Variants in PAK3 observed in about 807,000 individuals in gnomAD.
PAK3 encodes the protein serine/threonine-protein kinase PAK 3.
Under a neutral mutation model 41.0 loss-of-function variants are expected in PAK3, and 4 were observed. That is an observed-to-expected ratio of 0.10 (90% CI 0.05 to 0.22). The LOEUF (loss-of-function observed/expected upper bound fraction) is 0.22. Among genes scored for constraint, PAK3 ranks in the 10% least tolerant of loss-of-function variants. The pLI, the probability that PAK3 is intolerant of heterozygous loss-of-function variation, is 1.00. For missense variants in PAK3, 205 were observed against 409.9 expected (o/e 0.50, Z 4.32); for synonymous variants, 146 against 139.6 (o/e 1.05, Z -0.32).
At chrX:111,044,999 C>T (rs1427106988) in intron 1 of PAK3, among the ~76,000 whole-genome samples, 1 of 111,918 alleles carries the variant, frequency 8.9e-6, no homozygotes, top group Non-Finnish European at 1.9e-5. Flanking sequence ...GTGGTATACA[C>T]AGCCTCTGCA....
intron 1 of PAK3, among the ~76,000 whole-genome samples, chrX:110,957,598 C>A (rs2148605690): frequency 9.0e-6 from 1 of 111,538 alleles, no homozygotes; most frequent in South Asian, 3.8e-4. Flanking sequence ...TTGCAGGGAC[C>A]CTGGCCATGG....
At chrX:110,945,679 A>G (rs2090603349) in intron 1 of PAK3, among the ~76,000 whole-genome samples, 2 of 112,193 alleles carry the variant, frequency 1.8e-5, no homozygotes, top group South Asian at 7.4e-4. Flanking sequence ...TTTGAACTAA[A>G]AAGAACAAAC....
chrX:110,945,923 A>G (rs2090609536), intron 1 of PAK3, among the ~76,000 whole-genome samples: 1 of 112,143 alleles, frequency 8.9e-6, no homozygotes, highest in African/African-American at 3.2e-5. Flanking sequence ...CAAACAGCAG[A>G]CATTTTTTGC....
chrX:111,218,977 G>A (rs1359797961), intron 17 of PAK3, among the ~76,000 whole-genome samples: 1 of 109,805 alleles, frequency 9.1e-6, no homozygotes, highest in East Asian at 2.9e-4. Flanking sequence ...ATCACCTGAG[G>A]TCAGGTGTTT....
Position 111,035,143 on chromosome X carries a change from G to T in PAK3, c.-27-87934G>T, listed in dbSNP as rs373732655. Reference sequence around the variant, plus strand: ...AAAAAAAAAAAAAAAAAGAAAGAAAGAAAGAAAGAAAGGAAGAAAGAAAGA... The same window carrying T: ...AAAAAAAAAAAAAAAAAGAAAGAAATAAAGAAAGAAAGGAAGAAAGAAAGA... On this transcript the variant is annotated intron_variant, in intron 1 of 14. Coordinates refer to the PAK3 transcript ENST00000425146. 2.7e-3 allele frequency among the ~76,000 whole-genome samples: 87 copies of T among 32,446 alleles called. 1 individual carries two copies. The highest frequency in any genetic ancestry group is 5.1e-3 in the African/African-American group (80 of 15,743). 28.2% of individuals were successfully genotyped at this position (32,446 alleles called of 115,157 possible). A position where few individuals can be genotyped will look rare whatever the true frequency, so the allele number is the denominator to read the frequency against.
At chrX:110,964,649 T>C (rs1264460056) in intron 1 of PAK3, among the ~76,000 whole-genome samples, 1 of 111,860 alleles carries the variant, frequency 8.9e-6, no homozygotes, top group Non-Finnish European at 1.9e-5. Context: ...ACATTGTGAG[T>C]AGTGAGTAGA....
chrX:111,046,279 GTTGT>G (rs754935857), intron 1 of PAK3, among the ~76,000 whole-genome samples: 6 of 111,516 alleles, frequency 5.4e-5, no homozygotes, highest in Admixed American at 9.5e-5. Context: ...TGTTGTTGTT[GTTGT>G]TTGTTTGTTT....
At position 111,142,105 on chromosome X, in the gene PAK3, A is replaced by G; in HGVS notation, c.185A>G (p.Lys62Arg). 8.5e-7 allele frequency: 1 copy of G among 1,178,920 alleles called. No homozygotes were observed. Among genetic ancestry groups the G allele is most frequent in the Non-Finnish European group, 1.2e-6 (1 of 865,534 alleles). The change falls in exon 6 of 18, where the codon AAG (lysine) becomes AGG (arginine). Residue 62 changes from lysine to arginine, a missense_variant. Physicochemically the swap from Lys to Arg is conservative, Grantham distance 26 (BLOSUM62 2). This residue lies in a region of PAK3 where 22 missense variants were observed against 83.5 expected (regional missense o/e 0.26). Transcript: ENST00000372007. ...FPGGGDKTNK[K>R]KEKERPEISL... is the part of the protein sequence containing the mutation. ...AACATTTTGCCTTTAGCCAATAAGA[A>G]GAAGGAGAAAGAGCGCCCAGAGATC...
intron 1 of PAK3, among the ~76,000 whole-genome samples, chrX:111,065,966 A>T (rs2092698961): frequency 9.0e-6 from 1 of 111,661 alleles, no homozygotes; most frequent in Admixed American, 9.5e-5. Context: ...TCTAACTAGC[A>T]GTGTATTGAC....
chrX:111,000,316 A>T (rs2091825512), intron 1 of PAK3, among the ~76,000 whole-genome samples: 2 of 112,148 alleles, frequency 1.8e-5, no homozygotes, highest in East Asian at 2.8e-4. Flanking sequence ...AAACAATTTT[A>T]AAAAATCCCA....
chrX:111,155,609 G>C (rs747321115), intron 8 of PAK3, among the ~76,000 whole-genome samples: 1 of 111,228 alleles, frequency 9.0e-6, no homozygotes, highest in South Asian at 3.9e-4. Flanking sequence ...GGGAGGGAAA[G>C]GGAAGCAGGC....
At chrX:111,034,173 G>T (rs2092369859) in intron 1 of PAK3, among the ~76,000 whole-genome samples, 2 of 111,263 alleles carry the variant, frequency 1.8e-5, no homozygotes, top group African/African-American at 3.3e-5. Context: ...TTTTCTGGGT[G>T]ATAGTCACAG....
chrX:111,137,112 A>C (rs16986378), intron 5 of PAK3, among the ~76,000 whole-genome samples: 17,185 of 111,645 alleles, frequency 0.15, 2,685 homozygotes, highest in African/African-American at 0.48. Flanking sequence ...GAGCCAAAGT[A>C]CTCAATGGAG....
At chrX:111,211,775 G>A (rs759386689) in intron 16 of PAK3, among the ~76,000 whole-genome samples, 1 of 110,683 alleles carries the variant, frequency 9.0e-6, no homozygotes, top group East Asian at 2.8e-4. Context: ...CTGCTCTTAA[G>A]AGGAATTTTG....
intron 1 of PAK3, among the ~76,000 whole-genome samples, chrX:111,082,085 G>T (rs1422304054): frequency 8.9e-6 from 1 of 112,159 alleles, no homozygotes; most frequent in African/African-American, 3.2e-5. Context: ...TAAAAAAAAT[G>T]AAAGTTCCTT....
intron 6 of PAK3, among the ~76,000 whole-genome samples, chrX:111,143,441 G>T (rs1015051797): frequency 1.8e-5 from 2 of 111,338 alleles, no homozygotes; most frequent in Non-Finnish European, 3.8e-5. Flanking sequence ...TGCGTTCTCA[G>T]TAGCAAGCAG....
intron 1 of PAK3, among the ~76,000 whole-genome samples, chrX:110,950,320 G>T (rs2090714954): frequency 8.9e-6 from 1 of 112,088 alleles, no homozygotes; most frequent in African/African-American, 3.2e-5. Context: ...AATAATCAAA[G>T]ATGTGACCAT....
At chrX:111,028,167 G>A (rs910139749) in intron 1 of PAK3, among the ~76,000 whole-genome samples, 52 of 107,303 alleles carry the variant, frequency 4.8e-4, no homozygotes, top group African/African-American at 1.6e-3. Flanking sequence ...ACCAAACATC[G>A]TATGTTCTTA....
chrX:111,057,981 G>A (rs1279783193), intron 1 of PAK3, among the ~76,000 whole-genome samples: 1 of 112,243 alleles, frequency 8.9e-6, no homozygotes, highest in Middle Eastern at 4.2e-3. Flanking sequence ...CTGTTCTCAA[G>A]ATTCATCCAC....
Sources: allele counts gnomAD v4.1 joint callset (sites outside exome capture counted in the v4.1 genomes callset), GRCh38; gene constraint gnomAD v4.1.1; regional missense constraint gnomAD v4.1.1; transcripts MANE v1.5; gene names NCBI Gene and HGNC (gene_info 2026-07-23, HGNC 2026-07-21).